The following RYR3 variants were observed in gnomAD, a reference collection of about 807,000 sequenced individuals.
The protein encoded by RYR3 is brain ryanodine receptor-calcium release channel.
Under a neutral mutation model 584.3 loss-of-function variants are expected in RYR3, and 207 were observed. That is an observed-to-expected ratio of 0.35 (90% confidence interval 0.32 to 0.40). The LOEUF (loss-of-function observed/expected upper bound fraction) is 0.40, where lower values mean the gene tolerates loss of function less well. Ranked by LOEUF, RYR3 falls within the 10% of genes least tolerant of loss-of-function variation. The pLI is 1.00. For missense variants in RYR3, 5,616 were observed against 6,089.2 expected, an observed-to-expected ratio of 0.92 and a Z score of 2.59; for synonymous variants, 2,416 against 2,248.5, an observed-to-expected ratio of 1.07 and a Z score of -2.11.
chr15:33,822,052 T>G (rs2077137438), intron 80 of RYR3, among the ~76,000 whole-genome samples: 2 of 129,622 alleles, frequency 1.5e-5, no homozygotes, highest in South Asian at 5.0e-4. Flanking sequence ...GTTTACTGAC[T>G]GATGACCATG....
At position 33,813,043 on chromosome 15, in the gene RYR3, C is replaced by T. The variant is rs192175923; in HGVS notation, c.10389+49C>T. 13 of 1,608,668 alleles carry T rather than the reference C, an allele frequency of 8.1e-6. No homozygotes were observed. In the Admixed American group the frequency reaches 1.2e-4, roughly 15 times the overall value. On this transcript the variant is annotated intron_variant, in intron 73 of 103. Transcript: ENST00000634891. Reference sequence around the variant, plus strand: ...ATGGGGAAGCAGAAACACCCTGGACCATACAAAGCTCCCCTCCACACTCAG... The same window carrying T: ...ATGGGGAAGCAGAAACACCCTGGACTATACAAAGCTCCCCTCCACACTCAG...
At chr15:33,850,691 T>G (rs1160369453) in intron 94 of RYR3, 1 of 152,114 alleles carries the variant, frequency 6.6e-6, no homozygotes, top group Admixed American at 6.5e-5. Context: ...TAAGCACACA[T>G]AAGAACATAT....
intron 43 of RYR3, among the ~76,000 whole-genome samples, chr15:33,717,574 G>A (rs562263243): frequency 5.9e-5 from 9 of 152,164 alleles, no homozygotes; most frequent in South Asian, 4.1e-4. Flanking sequence ...TTATACCTGG[G>A]CCACTCTAAG....
intron 41 of RYR3, 66 bp downstream of exon 41, chr15:33,699,899 T>G: frequency 3.2e-6 from 5 of 1,541,312 alleles, no homozygotes; most frequent in Non-Finnish European, 4.4e-6. Context: ...TTTGACCACT[T>G]AGGAAAATAC....
intron 32 of RYR3, among the ~76,000 whole-genome samples, chr15:33,655,225 A>G (rs1290939160): frequency 1.3e-5 from 2 of 152,174 alleles, no homozygotes; most frequent in African/African-American, 4.8e-5. Flanking sequence ...TTCTTCTAGT[A>G]CTTTTTCATG....
chr15:33,775,955 A>G lies in RYR3; in HGVS notation c.9137+2340A>G, dbSNP rs1893443447. Among the ~76,000 whole-genome samples, 4 of 152,310 alleles carry G rather than the reference A, an allele frequency of 2.6e-5. 1 individual carries two copies. The Middle Eastern group carries it at 0.014, about 518-fold the overall frequency. On this transcript the variant is annotated intron_variant, in intron 64 of 103. Transcript: ENST00000634891. ...TGTCCTTACTTGATTTGGTTTTCAT[A>G]TTTTATGGGTTCAGAGTTACCGTAC... is the stretch of plus-strand genomic sequence containing the variant.
chr15:33,454,721 C>T (rs889216323), intron 1 of RYR3, among the ~76,000 whole-genome samples: 6 of 152,138 alleles, frequency 3.9e-5, no homozygotes, highest in Admixed American at 1.3e-4. Flanking sequence ...GTGATAGAGG[C>T]ATGCATCCTA....
intron 2 of RYR3, among the ~76,000 whole-genome samples, chr15:33,478,345 G>A (rs1207694528): frequency 6.6e-6 from 1 of 152,210 alleles, no homozygotes; most frequent in Non-Finnish European, 1.5e-5. Flanking sequence ...TCAGGCAGGT[G>A]TGAGAGTCAC....
At chr15:33,478,112 G>T (rs1013323921) in intron 2 of RYR3, among the ~76,000 whole-genome samples, 1 of 151,798 alleles carries the variant, frequency 6.6e-6, no homozygotes, top group African/African-American at 2.4e-5. Context: ...GGGGGTTGGG[G>T]GGGGTGGTTT....
At chr15:33,656,317 C>T (rs766044244) in intron 32 of RYR3, among the ~76,000 whole-genome samples, 3 of 152,196 alleles carry the variant, frequency 2.0e-5, no homozygotes, top group Non-Finnish European at 2.9e-5. Context: ...TTGCGCAATC[C>T]ATGGGCATGT....
At chr15:33,347,812 AT>A (rs1430968772) in intron 1 of RYR3, among the ~76,000 whole-genome samples, 1 of 152,126 alleles carries the variant, frequency 6.6e-6, no homozygotes, top group African/African-American at 2.4e-5. Context: ...ACTAGAAGGT[AT>A]TCCAGGCTCA....
Position 33,311,410 on chromosome 15 carries a change from G to A in RYR3, c.51+314G>A, listed in dbSNP as rs960997697. On this transcript the variant is annotated intron_variant, in intron 1 of 103. Transcript: ENST00000634891. The surrounding 1 kb of genome is among the most constrained non-coding windows in gnomAD (Gnocchi z 4.4). Reference sequence around the variant, plus strand: ...AACCCTTGATGCCCAAACTTCAGCCGGGGTTTGTTCGCGGTTGTCCTGACC... The same window carrying A: ...AACCCTTGATGCCCAAACTTCAGCCAGGGTTTGTTCGCGGTTGTCCTGACC... Among the ~76,000 whole-genome samples the A allele has an allele frequency of 6.6e-6, 1 of 152,322 alleles. No individual in the cohort carries two copies. The highest frequency in any genetic ancestry group is 1.9e-4 in the East Asian group (1 of 5,168).
At chr15:33,440,221 A>G (rs2046103714) in intron 1 of RYR3, among the ~76,000 whole-genome samples, 1 of 152,182 alleles carries the variant, frequency 6.6e-6, no homozygotes. Flanking sequence ...TGGGAAATCA[A>G]GGCTGCAGTG....
intron 1 of RYR3, among the ~76,000 whole-genome samples, chr15:33,397,925 G>C (rs2042396371): frequency 6.6e-6 from 1 of 152,104 alleles, no homozygotes; most frequent in African/African-American, 2.4e-5. Context: ...CAGAAATTCA[G>C]TTTTTTTCTG....
chr15:33,596,207 A>AC (rs910599827), intron 16 of RYR3, among the ~76,000 whole-genome samples: 3 of 151,578 alleles, frequency 2.0e-5, no homozygotes, highest in Non-Finnish European at 4.4e-5. Flanking sequence ...TTAAGGACAC[A>AC]CTTTTTTTTT....
At chr15:33,864,519 G>A (rs113998313) in intron 103 of RYR3, among the ~76,000 whole-genome samples, 1 of 152,316 alleles carries the variant, frequency 6.6e-6, no homozygotes, top group African/African-American at 2.4e-5. Flanking sequence ...AAAAATCAGA[G>A]TACAACGGAG....
chr15:33,457,137 C>G (rs1269755892), intron 1 of RYR3, among the ~76,000 whole-genome samples: 1 of 152,076 alleles, frequency 6.6e-6, no homozygotes, highest in Admixed American at 6.5e-5. Flanking sequence ...TTCCCTATTT[C>G]AAATGGAAAA....
chr15:33,543,913 C>T (rs1008173267), intron 8 of RYR3, among the ~76,000 whole-genome samples, 198 bp downstream of exon 8: 2 of 152,170 alleles, frequency 1.3e-5, no homozygotes, highest in African/African-American at 4.8e-5. Context: ...TGTACACATG[C>T]TGTTCTTAGG....
Position 33,836,936 on chromosome 15 carries a change from C to A in RYR3, c.11599C>A (p.Leu3867Ile). Residue 3867 changes from leucine to isoleucine, a missense_variant, in exon 88 of 104, where the codon CTC (leucine) becomes ATC (isoleucine). Physicochemically the swap from Leu to Ile is conservative, Grantham distance 5. Transcript: ENST00000634891. ...DSSQIELLKE[L>I]LDLLQDMVVM... ...CAGTCAGATCGAGCTGCTGAAGGAA[C>A]TCTTGGATCTCCTTCAGGACATGGT... is the stretch of plus-strand genomic sequence containing the variant. The A allele has an allele frequency of 6.2e-7, 1 of 1,613,700 alleles. No homozygotes were observed. Among genetic ancestry groups the A allele is most frequent in the Non-Finnish European group, 8.5e-7 (1 of 1,179,826 alleles).
Sources: gnomAD v4.1 joint callset for allele counts (sites outside exome capture counted in the v4.1 genomes callset) on GRCh38, gnomAD v4.1.1 for gene constraint, Gnocchi (gnomAD v3.1) non-coding constraint, MANE v1.5 for transcripts, NCBI Gene and HGNC (gene_info 2026-07-23, HGNC 2026-07-21) for gene names.